Variants in ZNF131 observed in about 807,000 individuals in gnomAD.
ZNF131 encodes zinc finger protein 131.
A neutral mutation model predicts 60.0 loss-of-function variants in ZNF131; 7 were observed. That is an observed-to-expected ratio of 0.12 (90% CI 0.07 to 0.22). ZNF131 has a LOEUF of 0.22. ZNF131 is among the 10% of genes least tolerant of loss of function. ZNF131 has a pLI of 1.00. For missense variants in ZNF131, 493 were observed against 740.9 expected, an observed-to-expected ratio of 0.67 and a Z score of 3.88; for synonymous variants, 257 against 253.2, an observed-to-expected ratio of 1.01 and a Z score of -0.14.
chr5:43,124,623 T>G (rs1398578669), intron 3 of ZNF131: 2 of 152,134 alleles, frequency 1.3e-5, no homozygotes, highest in Non-Finnish European at 2.9e-5. Context: ...TGATAGTGGT[T>G]TCTACTACAA....
At chr5:43,159,815 A>T (rs1337087056) in intron 4 of ZNF131, among the ~76,000 whole-genome samples, 1 of 151,128 alleles carries the variant, frequency 6.6e-6, no homozygotes, top group East Asian at 1.9e-4. Flanking sequence ...TTTAATTTTG[A>T]TGAAATCTAT....
At position 43,146,126 on chromosome 5, in the gene ZNF131, C is replaced by T. The variant is rs372416046; in HGVS notation, c.371+6817C>T. On this transcript the variant is annotated intron_variant, in intron 4 of 6. Coordinates refer to ENST00000682664, the MANE Select transcript of ZNF131 (RefSeq NM_001330707.2). ...AATAAAAATTAATTTAGCTGGACTA[C>T]TTAAGGCAACTGTATAACTATTTTG... Among the ~76,000 whole-genome samples the T allele has an allele frequency of 5.3e-5, 8 of 152,240 alleles. No homozygotes were observed. The East Asian group carries it at 1.3e-3, about 26-fold the overall frequency.
chr5:43,141,968 G>A (rs1353932727), intron 4 of ZNF131, among the ~76,000 whole-genome samples: 1 of 151,960 alleles, frequency 6.6e-6, no homozygotes, highest in Non-Finnish European at 1.5e-5. Flanking sequence ...TACAGAGATG[G>A]TTTCTGTTGA....
At chr5:43,132,762 C>T (rs1175594148) in intron 3 of ZNF131, among the ~76,000 whole-genome samples, 4 of 152,154 alleles carry the variant, frequency 2.6e-5, no homozygotes, top group African/African-American at 9.7e-5. Flanking sequence ...ATCTGCCCAC[C>T]TCGTCCTCCC....
intron 6 of ZNF131, among the ~76,000 whole-genome samples, chr5:43,173,761 T>G (rs1389421938): frequency 6.6e-6 from 1 of 151,962 alleles, no homozygotes; most frequent in Non-Finnish European, 1.5e-5. Flanking sequence ...CCCCCATGAT[T>G]AGTGTATTTT....
chr5:43,174,160 G>A (rs555346370), intron 6 of ZNF131, among the ~76,000 whole-genome samples: 2 of 152,290 alleles, frequency 1.3e-5, no homozygotes, highest in South Asian at 2.1e-4. Context: ...CCCAGGAGAC[G>A]GAGGTTGCAG....
chr5:43,125,219 G>T (rs1744374302), intron 3 of ZNF131, among the ~76,000 whole-genome samples: 1 of 152,080 alleles, frequency 6.6e-6, no homozygotes, highest in African/African-American at 2.4e-5. Flanking sequence ...CTGTGAAATG[G>T]TATCACTGAA....
In ZNF131 at chr5:43,175,248, C is replaced by G; in HGVS notation, c.*115C>G. 10 of 1,076,376 alleles carry G rather than the reference C, an allele frequency of 9.3e-6. No homozygotes were observed. Among genetic ancestry groups the G allele is most frequent in the South Asian group, 1.6e-5 (1 of 61,294 alleles). The allele number at this position is 1,076,376 out of a possible 1,614,324, so 66.7% of individuals were successfully genotyped here. A position where few individuals can be genotyped will look rare whatever the true frequency, so the allele number is the denominator to read the frequency against. On this transcript the variant is annotated 3_prime_UTR_variant, in exon 7 of 7. Transcript: ENST00000682664. ...CAAGTGGACCAAAGTTAAGCTGTTT[C>G]CTGTTGTGCTGAACTGTTGTCCGTT...
chr5:43,153,381 T>C (rs1299953864), intron 4 of ZNF131, among the ~76,000 whole-genome samples: 1 of 148,654 alleles, frequency 6.7e-6, no homozygotes, highest in East Asian at 2.0e-4. Context: ...TCCCAGCACT[T>C]TGGGAGGCTG....
At position 43,175,138 on chromosome 5, in the gene ZNF131, A is replaced by G; in HGVS notation, c.*5A>G. On this transcript the variant is annotated 3_prime_UTR_variant, in exon 7 of 7. Transcript: ENST00000682664. The stretch of plus-strand genomic sequence containing the variant: ...GCTCTGCCAGTTTTAGAATGAAATT[A>G]CACATGAATATATTTTTAAATTTAC... 1.3e-6 allele frequency: 2 copies of G among 1,596,168 alleles called. No individual in the cohort carries two copies. Among genetic ancestry groups the G allele is most frequent in the Admixed American group, 1.8e-5 (1 of 56,756 alleles).
rs1261846412 is a variant in ZNF131, at chr5:43,161,749, A to G, written c.872A>G (p.Glu291Gly). 5 of 1,614,262 alleles carry G rather than the reference A, an allele frequency of 3.1e-6. No individual in the cohort carries two copies. The highest frequency in any genetic ancestry group is 4.2e-6 in the Non-Finnish European group (5 of 1,180,040). ...CACTCCACTGAGAGTTTCAAGTGTG[A>G]AATATGCAATAAACGATATCTTCGA... ...KSHSTESFKC[E>G]ICNKRYLRES... The change falls in exon 5 of 7, where the codon GAA becomes GGA. Residue 291 changes from glutamate to glycine, a missense_variant. Physicochemically the swap from Glu to Gly is moderately conservative, Grantham distance 98. This residue lies in a region of ZNF131 where 26 missense variants were observed against 63.3 expected (regional missense o/e 0.41). Transcript: ENST00000682664.
At chr5:43,130,384 A>T (rs1299144448) in intron 3 of ZNF131, among the ~76,000 whole-genome samples, 2 of 152,052 alleles carry the variant, frequency 1.3e-5, no homozygotes, top group Non-Finnish European at 2.9e-5. Flanking sequence ...AATAATGTAT[A>T]CATTTTGTGA....
rs570289166 is a variant in ZNF131, at chr5:43,125,512, G to A, written c.226+2202G>A. Among the ~76,000 whole-genome samples the A allele has an allele frequency of 2.5e-3, 375 of 151,920 alleles. 3 individuals are homozygous for A. The highest frequency in any genetic ancestry group is 8.8e-3 in the African/African-American group (367 of 41,496). On this transcript the variant is annotated intron_variant, in intron 3 of 6. Transcript: ENST00000682664. ...AATAAGTGGCCTGGCCGGATGCGGTGGCTCACGCCTGTAATCCCAGCACTT... is the reference window on the plus strand; with the variant it reads ...AATAAGTGGCCTGGCCGGATGCGGTAGCTCACGCCTGTAATCCCAGCACTT...
At chr5:43,155,811 CTT>C (rs2111831673) in intron 4 of ZNF131, among the ~76,000 whole-genome samples, 1 of 152,246 alleles carries the variant, frequency 6.6e-6, no homozygotes, top group African/African-American at 2.4e-5. Context: ...TCTTTATAAA[CTT>C]TACCTGATGA....
At position 43,175,430 on chromosome 5, in the gene ZNF131, A is replaced by G. The variant is rs1751471385; in HGVS notation, c.*297A>G. 1 of 697,238 alleles carries G rather than the reference A, an allele frequency of 1.4e-6. No individual in the cohort carries two copies. The allele number at this position is 697,238 out of a possible 1,614,324, so 43.2% of individuals were successfully genotyped here. A position where few individuals can be genotyped will look rare whatever the true frequency, so the allele number is the denominator to read the frequency against. ...GAATGTATCTATTTTCATTGTGGTA[A>G]AAGTTCTTCCTTTTCTCTTTCCCAG... On this transcript the variant is annotated 3_prime_UTR_variant, in exon 7 of 7. Transcript: ENST00000682664.
At chr5:43,173,994 G>A (rs149443488) in intron 6 of ZNF131, among the ~76,000 whole-genome samples, 27,493 of 152,124 alleles carry the variant, frequency 0.18, 2,901 homozygotes, top group Middle Eastern at 0.33. Flanking sequence ...TTGGGAGGCC[G>A]AGGCGGGTGG....
At chr5:43,149,712 C>CT (rs943663139) in intron 4 of ZNF131, among the ~76,000 whole-genome samples, 44 of 151,992 alleles carry the variant, frequency 2.9e-4, no homozygotes, top group East Asian at 5.8e-4. Flanking sequence ...TATGGTCAGG[C>CT]TTTTTTTTAT....
In ZNF131 at chr5:43,171,662, G is replaced by A. The variant is rs796340663; in HGVS notation, c.1055-1656G>A. 1.3e-4 allele frequency among the ~76,000 whole-genome samples: 20 copies of A among 152,156 alleles called. 1 individual carries two copies. The highest frequency in any genetic ancestry group is 4.3e-4 in the African/African-American group (18 of 41,518). On this transcript the variant is annotated intron_variant, in intron 5 of 6. Coordinates refer to ENST00000682664, the MANE Select transcript of ZNF131 (RefSeq NM_001330707.2). ...TTTTGAGATGGAGTCTCGCTCTGTC[G>A]CCCAAGCTAGAGTACAGTGGTGTGA... is the stretch of plus-strand genomic sequence containing the variant.
In ZNF131 at chr5:43,134,693, C is replaced by CTTTTTTTTT. The variant is rs149464238; in HGVS notation, c.227-4458_227-4450dup. Among the ~76,000 whole-genome samples, 423 of 88,034 alleles carry CTTTTTTTTT rather than the reference C, an allele frequency of 4.8e-3. 1 individual carries two copies. The highest frequency in any genetic ancestry group is 0.01 in the Middle Eastern group (1 of 98). 57.8% of individuals were successfully genotyped at this position (88,034 alleles called of 152,430 possible). On this transcript the variant is annotated intron_variant, in intron 3 of 6. Coordinates refer to ENST00000682664, the MANE Select transcript of ZNF131 (RefSeq NM_001330707.2). Reference sequence around the variant, plus strand: ...AAAAGTCAGTTGCTTTTCTTTTTTTCTTTTTTTTTTTTTTTTTTTTTTGGG... The same window carrying CTTTTTTTTT: ...AAAAGTCAGTTGCTTTTCTTTTTTTCTTTTTTTTTTTTTTTTTTTTTTTTTTTTTTTGGG...
Sources: gnomAD v4.1 joint callset for allele counts (sites outside exome capture counted in the v4.1 genomes callset) on GRCh38, gnomAD v4.1.1 for gene constraint, gnomAD v4.1.1 regional missense constraint, MANE v1.5 for transcripts, NCBI Gene and HGNC (gene_info 2026-07-23, HGNC 2026-07-21) for gene names.